ASTN2: variants seen among roughly 807,000 people sequenced by gnomAD.
ASTN2 encodes astrotactin 2, also known as astrotactin-2.
A neutral mutation model predicts 139.8 loss-of-function variants in ASTN2; 54 were observed. That is an observed-to-expected ratio of 0.39 (90% confidence interval 0.31 to 0.48). ASTN2 has a LOEUF of 0.48. ASTN2 is among the 20% of genes least tolerant of loss of function. The probability of loss-of-function intolerance (pLI) is 0.95; values close to 1 mark genes in which losing one functional copy is unlikely to be tolerated. For synonymous variants in ASTN2, 756 were observed against 719.5 expected (o/e 1.05, Z -0.81); for missense variants, 1,565 against 1,725.1 (o/e 0.91, Z 1.64).
chr9:116,687,639 C>T (rs1015144294), intron 16 of ASTN2, among the ~76,000 whole-genome samples: 3 of 150,750 alleles, frequency 2.0e-5, no homozygotes, highest in African/African-American at 7.3e-5. Context: ...AAGAGATTTG[C>T]GGTTGCAGCA....
At chr9:116,998,155 A>G (rs1292965439) in intron 7 of ASTN2, among the ~76,000 whole-genome samples, 1 of 152,184 alleles carries the variant, frequency 6.6e-6, no homozygotes, top group Non-Finnish European at 1.5e-5. Flanking sequence ...ATAAGTTCAG[A>G]TGACTTCTGT....
chr9:116,823,444 A>ACTGG (rs1191470125), intron 11 of ASTN2, among the ~76,000 whole-genome samples: 1 of 152,172 alleles, frequency 6.6e-6, no homozygotes, highest in Non-Finnish European at 1.5e-5. Flanking sequence ...CCTGTTATTT[A>ACTGG]CTGGCTGACT....
intron 16 of ASTN2, among the ~76,000 whole-genome samples, chr9:116,680,652 A>G (rs1292267562): frequency 6.6e-6 from 1 of 152,252 alleles, no homozygotes; most frequent in African/African-American, 2.4e-5. Context: ...CGAATCCAGC[A>G]GCACATCAAA....
intron 19 of ASTN2, among the ~76,000 whole-genome samples, chr9:116,499,873 G>A (rs575901225): frequency 2.0e-5 from 3 of 152,192 alleles, no homozygotes; most frequent in South Asian, 2.1e-4. Context: ...GATTCTGTAC[G>A]AATAAGTTCA....
intron 5 of ASTN2, among the ~76,000 whole-genome samples, chr9:117,048,343 T>C (rs968909267): frequency 1.3e-5 from 2 of 152,188 alleles, no homozygotes; most frequent in African/African-American, 4.8e-5. Context: ...AGAAGGGCTG[T>C]CGCTCCTCCT....
At chr9:117,184,629 T>C (rs551042941) in intron 3 of ASTN2, among the ~76,000 whole-genome samples, 2 of 152,320 alleles carry the variant, frequency 1.3e-5, no homozygotes, top group Admixed American at 1.3e-4. Context: ...AGAGTTCGCA[T>C]GAGAGAATGT....
chr9:117,194,993 T>C (rs547118239), intron 3 of ASTN2, among the ~76,000 whole-genome samples: 4 of 152,334 alleles, frequency 2.6e-5, no homozygotes, highest in African/African-American at 9.6e-5. Context: ...CATTTATTCC[T>C]CTATCCACTG....
intron 7 of ASTN2, among the ~76,000 whole-genome samples, chr9:116,992,972 C>T (rs1162305663): frequency 6.6e-6 from 1 of 152,192 alleles, no homozygotes; most frequent in Non-Finnish European, 1.5e-5. Context: ...GGCATCACAT[C>T]AGTCTTCCCC....
chr9:117,174,163 A>T (rs1830862324), intron 3 of ASTN2, among the ~76,000 whole-genome samples: 1 of 148,610 alleles, frequency 6.7e-6, no homozygotes, highest in African/African-American at 2.5e-5. Flanking sequence ...AGATAGATAG[A>T]TAGATAGATT....
chr9:116,579,842 TG>T (rs1424236632), intron 19 of ASTN2, among the ~76,000 whole-genome samples: 2 of 152,218 alleles, frequency 1.3e-5, no homozygotes, highest in Non-Finnish European at 2.9e-5. Context: ...TCTTTTTTTT[TG>T]AAGAGTCTTG....
At chr9:116,446,272 T>TAGAGATAG (rs1847990891) in intron 20 of ASTN2, among the ~76,000 whole-genome samples, 1 of 119,036 alleles carries the variant, frequency 8.4e-6, no homozygotes, top group Non-Finnish European at 1.7e-5. Context: ...GAGAGAGAGA[T>TAGAGATAG]AGAGAGAGAG....
chr9:116,854,089 G>A (rs1318324181), intron 11 of ASTN2, among the ~76,000 whole-genome samples: 2 of 152,184 alleles, frequency 1.3e-5, no homozygotes, highest in African/African-American at 4.8e-5. Context: ...GAACTGAGTA[G>A]CTTTGTGGTC....
intron 1 of ASTN2, among the ~76,000 whole-genome samples, chr9:117,293,619 G>A (rs1179093006): frequency 2.6e-5 from 4 of 152,114 alleles, no homozygotes; most frequent in African/African-American, 7.2e-5. Flanking sequence ...TGAGTGGTAG[G>A]TCTCCTCTCA....
chr9:116,512,111 A>T (rs570898231), intron 19 of ASTN2, among the ~76,000 whole-genome samples: 3 of 152,084 alleles, frequency 2.0e-5, no homozygotes, highest in Non-Finnish European at 4.4e-5. Flanking sequence ...TCAATTTTAG[A>T]TCTTTCCTGC....
chr9:116,697,850 T>C (rs759724372), intron 16 of ASTN2: 20 of 1,614,096 alleles, frequency 1.2e-5, no homozygotes, highest in Non-Finnish European at 8.5e-7. Flanking sequence ...GTCCCAAGCT[T>C]CTGCACTGTG....
chr9:116,931,271 G>A (rs753677472), intron 10 of ASTN2, among the ~76,000 whole-genome samples: 63 of 151,934 alleles, frequency 4.1e-4, no homozygotes, highest in Non-Finnish European at 6.2e-4. Flanking sequence ...CTATCCCTTC[G>A]AGCCTATTCA....
chr9:117,354,230 C>A (rs970435481), intron 1 of ASTN2, among the ~76,000 whole-genome samples: 1 of 152,056 alleles, frequency 6.6e-6, no homozygotes, highest in African/African-American at 2.4e-5. Flanking sequence ...AAAAATGAAA[C>A]TGTTTACAAA....
At chr9:116,766,168 C>G (rs187927151) in intron 13 of ASTN2, among the ~76,000 whole-genome samples, 7 of 152,128 alleles carry the variant, frequency 4.6e-5, no homozygotes, top group African/African-American at 1.7e-4. Flanking sequence ...TACAAATGGC[C>G]TAAAACTATG....
rs534319892 is a variant in ASTN2, at chr9:116,883,093, G to A, written c.1890-19360C>T. On this transcript the variant is annotated intron_variant, in intron 10 of 22. Coordinates refer to ENST00000313400, the MANE Select transcript of ASTN2 (RefSeq NM_001365068.1). ...TGATGACATATGCACAATGATGTTC[G>A]TCACAGCATTGTTTATAATGGGGCA... is the stretch of plus-strand genomic sequence containing the variant. 5.9e-5 allele frequency among the ~76,000 whole-genome samples: 9 copies of A among 152,256 alleles called. No homozygotes were observed. The East Asian group carries it at 9.7e-4, about 16-fold the overall frequency.
Sources: gnomAD v4.1 joint callset for allele counts (sites outside exome capture counted in the v4.1 genomes callset) on GRCh38, gnomAD v4.1.1 for gene constraint, MANE v1.5 for transcripts, NCBI Gene and HGNC (gene_info 2026-07-23, HGNC 2026-07-21) for gene names.